Variants in CPQ observed in about 807,000 individuals in gnomAD.
The protein encoded by CPQ is Ser-Met dipeptidase.
In CPQ, 37 loss-of-function variants were observed where a neutral mutation model predicts 45.7. The observed-to-expected ratio is 0.81, with a 90% CI of 0.62 to 1.07. CPQ has a LOEUF of 1.07. Among genes scored for constraint, CPQ ranks in the 50% least tolerant of loss-of-function variants. The pLI is 0.00. For synonymous variants in CPQ, 186 were observed against 205.8 expected (o/e 0.90, Z 0.82); for missense variants, 537 against 572.9 (o/e 0.94, Z 0.64).
chr8:97,022,411 C>G (rs187811725), intron 5 of CPQ, among the ~76,000 whole-genome samples: 2 of 152,078 alleles, frequency 1.3e-5, no homozygotes, highest in African/African-American at 4.8e-5. Flanking sequence ...AGAGATTTTG[C>G]GTGGCAAAAG....
intron 7 of CPQ, among the ~76,000 whole-genome samples, chr8:97,084,504 A>G (rs946045976): frequency 4.6e-5 from 7 of 152,162 alleles, no homozygotes; most frequent in Non-Finnish European, 7.4e-5. Context: ...CATTCATCAA[A>G]TCTTCATTTT....
chr8:97,021,755 T>C (rs904094263), intron 5 of CPQ, among the ~76,000 whole-genome samples: 1 of 152,012 alleles, frequency 6.6e-6, no homozygotes, highest in African/African-American at 2.4e-5. Context: ...TGTGAATAGG[T>C]AGAATCAATA....
chr8:96,890,245 G>A (rs1354518825), intron 4 of CPQ, among the ~76,000 whole-genome samples: 1 of 152,218 alleles, frequency 6.6e-6, no homozygotes, highest in Non-Finnish European at 1.5e-5. Flanking sequence ...CTTAGTGCAA[G>A]TGTATACATC....
intron 2 of CPQ, among the ~76,000 whole-genome samples, chr8:96,798,529 C>CGTAA (rs1810965465): frequency 6.6e-6 from 1 of 152,002 alleles, no homozygotes; most frequent in Non-Finnish European, 1.5e-5. Context: ...GTTCCATGGC[C>CGTAA]GTAAGTACCA....
intron 3 of CPQ, among the ~76,000 whole-genome samples, chr8:96,858,177 A>G (rs1455218105): frequency 6.6e-6 from 1 of 152,128 alleles, no homozygotes; most frequent in Non-Finnish European, 1.5e-5. Flanking sequence ...GGGAAATATG[A>G]AGTCTGGTAG....
chr8:96,701,702 C>T (rs2130746079), intron 1 of CPQ, among the ~76,000 whole-genome samples: 1 of 152,270 alleles, frequency 6.6e-6, no homozygotes, highest in South Asian at 2.1e-4. Context: ...GAATAACATA[C>T]TCTTGGCCAT....
chr8:96,887,149 C>T (rs28418586), intron 4 of CPQ, among the ~76,000 whole-genome samples: 5 of 152,124 alleles, frequency 3.3e-5, no homozygotes, highest in African/African-American at 1.2e-4. Context: ...TACTCAGGTC[C>T]ATCTTTATCA....
At chr8:96,879,648 A>G in intron 3 of CPQ, 150 bp from the exon 4 acceptor site, 1 of 602,960 alleles carries the variant, frequency 1.7e-6, no homozygotes, top group South Asian at 2.2e-5. Flanking sequence ...ATTCACATCA[A>G]AAGCAAGTAA....
chr8:96,871,355 A>T (rs1015853923), intron 3 of CPQ, among the ~76,000 whole-genome samples: 81 of 152,100 alleles, frequency 5.3e-4, no homozygotes, highest in African/African-American at 1.9e-3. Context: ...TCGAACACTG[A>T]TGGGCTGGCA....
chr8:96,710,620 G>A (rs1253374914), intron 1 of CPQ, among the ~76,000 whole-genome samples: 1 of 152,052 alleles, frequency 6.6e-6, no homozygotes, highest in Non-Finnish European at 1.5e-5. Context: ...TCATTCAGGA[G>A]CTGATTGCTT....
At chr8:96,922,255 C>A (rs1812819383) in intron 4 of CPQ, among the ~76,000 whole-genome samples, 1 of 152,142 alleles carries the variant, frequency 6.6e-6, no homozygotes, top group South Asian at 2.1e-4. Flanking sequence ...ACTATGACAA[C>A]TCATTCCTCC....
chr8:97,096,934 T>C (rs1041186513), intron 7 of CPQ, among the ~76,000 whole-genome samples: 17 of 152,348 alleles, frequency 1.1e-4, no homozygotes, highest in African/African-American at 4.1e-4. Context: ...TACCTATTTC[T>C]GTGTGCAATG....
chr8:96,753,425 A>G (rs1810287980), intron 1 of CPQ, among the ~76,000 whole-genome samples: 1 of 152,128 alleles, frequency 6.6e-6, no homozygotes. Context: ...TATATCAAAA[A>G]TATAAATTAA....
chr8:96,911,724 A>G (rs776184296), intron 4 of CPQ, among the ~76,000 whole-genome samples: 7 of 152,226 alleles, frequency 4.6e-5, no homozygotes, highest in Non-Finnish European at 7.3e-5. Flanking sequence ...CTGACCATGT[A>G]TAGAAAACCA....
chr8:96,947,132 G>A (rs1052851102), intron 4 of CPQ, among the ~76,000 whole-genome samples: 2 of 152,152 alleles, frequency 1.3e-5, no homozygotes, highest in Non-Finnish European at 2.9e-5. Flanking sequence ...TAACATTTGA[G>A]AAATGCTGCA....
At chr8:96,692,799 T>C (rs1809321766) in intron 1 of CPQ, among the ~76,000 whole-genome samples, 1 of 152,062 alleles carries the variant, frequency 6.6e-6, no homozygotes, top group African/African-American at 2.4e-5. Context: ...CCAATGAACA[T>C]TCACAAGGAT....
chr8:96,867,740 C>T (rs1812013823), intron 3 of CPQ, among the ~76,000 whole-genome samples: 1 of 151,974 alleles, frequency 6.6e-6, no homozygotes, highest in Non-Finnish European at 1.5e-5. Flanking sequence ...ATGTTTTAAT[C>T]ACTTTCTTGT....
chr8:96,750,673 A>G (rs1010105819), intron 1 of CPQ, among the ~76,000 whole-genome samples: 1 of 149,984 alleles, frequency 6.7e-6, no homozygotes, highest in African/African-American at 2.5e-5. Context: ...CAGGATGTAC[A>G]GATTTGTTAC....
chr8:96,915,008 A>G (rs1015849811), intron 4 of CPQ, among the ~76,000 whole-genome samples: 3 of 152,188 alleles, frequency 2.0e-5, no homozygotes, highest in Admixed American at 1.3e-4. Flanking sequence ...CTAAGTTATC[A>G]TAAAAGATGG....
Sources: gnomAD v4.1 joint callset for allele counts (sites outside exome capture counted in the v4.1 genomes callset) on GRCh38, gnomAD v4.1.1 for gene constraint, MANE v1.5 for transcripts, NCBI Gene and HGNC (gene_info 2026-07-23, HGNC 2026-07-21) for gene names.